The following MGAT4C variants were observed in gnomAD, a reference collection of about 807,000 sequenced individuals.
The protein encoded by MGAT4C is MGAT4 family member C.
Under a neutral mutation model 40.1 loss-of-function variants are expected in MGAT4C, and 19 were observed. The observed-to-expected ratio is 0.47, with a 90% confidence interval of 0.33 to 0.70. The LOEUF (loss-of-function observed/expected upper bound fraction) is 0.70, where lower values mean the gene tolerates loss of function less well. Ranked by LOEUF, MGAT4C falls within the 30% of genes least tolerant of loss-of-function variation. The probability of loss-of-function intolerance (pLI) is 0.02; values close to 1 mark genes in which losing one functional copy is unlikely to be tolerated. For synonymous variants in MGAT4C, 181 were observed against 187.1 expected (o/e 0.97, Z 0.27); for missense variants, 491 against 563.2 (o/e 0.87, Z 1.30).
chr12:86,157,385 T>A lies in MGAT4C; in HGVS notation c.-57+98854A>T, dbSNP rs374937998. On this transcript the variant is annotated intron_variant, in intron 1 of 4. Coordinates refer to ENST00000611864, the MANE Select transcript of MGAT4C (RefSeq NM_001351288.2). The stretch of plus-strand genomic sequence containing the variant: ...GTATTACTTCTTTAAGTGAAATAAT[T>A]CAAAATGAGATTAAAGGCAATGCTT... 3.9e-5 allele frequency among the ~76,000 whole-genome samples: 6 copies of A among 152,150 alleles called. No homozygotes were observed. In the East Asian group the frequency reaches 9.6e-4, roughly 24 times the overall value.
intron 1 of MGAT4C, among the ~76,000 whole-genome samples, chr12:86,254,027 T>C (rs1003539207): frequency 3.3e-5 from 5 of 151,968 alleles, no homozygotes; most frequent in Non-Finnish European, 5.9e-5. Flanking sequence ...GCTATTTTTT[T>C]CCATCTCTTC....
chr12:86,748,646 T>C (rs1254930998), intron 1 of MGAT4C, among the ~76,000 whole-genome samples: 1 of 151,520 alleles, frequency 6.6e-6, no homozygotes, highest in Non-Finnish European at 1.5e-5. Context: ...GTGTGTAATA[T>C]CATGTAAAGC....
chr12:86,588,465 C>T (rs1270353149), intron 2 of MGAT4C, among the ~76,000 whole-genome samples: 2 of 151,978 alleles, frequency 1.3e-5, no homozygotes, highest in East Asian at 3.9e-4. Context: ...GAGACTTTAA[C>T]ACCCCACTGT....
chr12:86,542,595 A>G (rs991454393), intron 2 of MGAT4C, among the ~76,000 whole-genome samples: 2 of 152,062 alleles, frequency 1.3e-5, no homozygotes, highest in South Asian at 4.1e-4. Flanking sequence ...TAGTACCTTG[A>G]GAGTAGTGGC....
chr12:86,370,740 A>G (rs1326716316), intron 3 of MGAT4C, among the ~76,000 whole-genome samples: 2 of 151,976 alleles, frequency 1.3e-5, no homozygotes, highest in Admixed American at 6.6e-5. Flanking sequence ...TTCTTCCCCT[A>G]TTTAATCCCC....
chr12:86,040,605 G>A (rs1891715729), intron 2 of MGAT4C, among the ~76,000 whole-genome samples: 1 of 152,198 alleles, frequency 6.6e-6, no homozygotes, highest in African/African-American at 2.4e-5. Flanking sequence ...GAGTGTCCCA[G>A]GTAGAGTTCA....
chr12:86,523,502 T>C (rs984172884), intron 2 of MGAT4C, among the ~76,000 whole-genome samples: 3 of 152,152 alleles, frequency 2.0e-5, no homozygotes, highest in Non-Finnish European at 4.4e-5. Context: ...AGGTTTTACT[T>C]CCAACCACGT....
chr12:86,251,177 G>C (rs1269389652), intron 1 of MGAT4C, among the ~76,000 whole-genome samples: 1 of 149,970 alleles, frequency 6.7e-6, no homozygotes, highest in African/African-American at 2.5e-5. Flanking sequence ...ACTGAAAAGG[G>C]TGGAACAACA....
chr12:86,200,244 G>A, intron 1 of MGAT4C, among the ~76,000 whole-genome samples: 1 of 138,038 alleles, frequency 7.2e-6, no homozygotes, highest in East Asian at 2.3e-4. Context: ...TTATTGCATT[G>A]CATTTTATGA....
At chr12:86,435,027 T>C (rs1944643250) in intron 3 of MGAT4C, 1 of 151,858 alleles carries the variant, frequency 6.6e-6, no homozygotes, top group Non-Finnish European at 1.5e-5. Context: ...GTGAAAAAAA[T>C]ATTTCAAAGA....
At chr12:86,738,613 C>T (rs1228159690) in intron 1 of MGAT4C, among the ~76,000 whole-genome samples, 1 of 151,280 alleles carries the variant, frequency 6.6e-6, no homozygotes, top group Non-Finnish European at 1.5e-5. Context: ...TCATCCAACT[C>T]ATACGAGGAG....
At chr12:86,011,549 C>T (rs1888461058) in intron 2 of MGAT4C, among the ~76,000 whole-genome samples, 1 of 152,120 alleles carries the variant, frequency 6.6e-6, no homozygotes, top group South Asian at 2.1e-4. Flanking sequence ...AACCACATTA[C>T]ATGAGAGAGA....
At chr12:86,804,441 T>G (rs150578267) in intron 1 of MGAT4C, among the ~76,000 whole-genome samples, 2,097 of 148,926 alleles carry the variant, frequency 0.014, 43 homozygotes, top group African/African-American at 0.049. Flanking sequence ...ATAAAATAAA[T>G]AAATAAAGAA....
intron 1 of MGAT4C, among the ~76,000 whole-genome samples, chr12:86,190,440 C>A (rs959436964): frequency 9.2e-5 from 14 of 152,026 alleles, no homozygotes; most frequent in African/African-American, 3.4e-4. Flanking sequence ...CATTAATGAA[C>A]AAATTTTCAC....
At chr12:86,780,552 C>T (rs967891253) in intron 1 of MGAT4C, among the ~76,000 whole-genome samples, 3 of 152,150 alleles carry the variant, frequency 2.0e-5, no homozygotes, top group Admixed American at 1.3e-4. Flanking sequence ...TCTCCTGCTC[C>T]ACCATCGTAA....
At chr12:86,228,775 T>C (rs1951200887) in intron 1 of MGAT4C, among the ~76,000 whole-genome samples, 1 of 151,966 alleles carries the variant, frequency 6.6e-6, no homozygotes, top group Non-Finnish European at 1.5e-5. Context: ...TAGATGTATG[T>C]CATTACAGTA....
intron 2 of MGAT4C, among the ~76,000 whole-genome samples, chr12:86,446,328 C>A (rs764372587): frequency 1.3e-5 from 2 of 151,866 alleles, no homozygotes; most frequent in Non-Finnish European, 2.9e-5. Flanking sequence ...AGGAAAGCTG[C>A]TCCAATTGGC....
chr12:86,230,441 C>T lies in MGAT4C; in HGVS notation c.-57+25798G>A, dbSNP rs554911783. On this transcript the variant is annotated intron_variant, in intron 1 of 4. Transcript: ENST00000611864. ...TTAAAGGAAGTCAAATAGGTTTTGA[C>T]CTTTTCAATTACATCCATCCTTTAA... Among the ~76,000 whole-genome samples, 453 of 152,244 alleles carry T rather than the reference C, an allele frequency of 3.0e-3. 2 individuals are homozygous for T. The highest frequency in any genetic ancestry group is 0.01 in the African/African-American group (432 of 41,568).
Position 85,957,667 on chromosome 12 carries a change from A to AAG in MGAT4C, c.*21621_*21622insCT, listed in dbSNP as rs1555196393. The AAG allele has an allele frequency of 2.8e-5, 4 of 140,420 alleles. No homozygotes were observed. The highest frequency in any genetic ancestry group is 7.0e-5 in the Admixed American group (1 of 14,248). The allele number at this position is 140,420 out of a possible 1,614,324, so 8.7% of individuals were successfully genotyped here. ...AGTTGAATAAGAAAGCAAAAAAAAA[A>AAG]AAAAAAGAAAAAAGAAAAAAAAAAT... On this transcript the variant is annotated 3_prime_UTR_variant, in exon 5 of 5. Transcript: ENST00000611864.
Sources: gnomAD v4.1 joint callset for allele counts (sites outside exome capture counted in the v4.1 genomes callset) on GRCh38, gnomAD v4.1.1 for gene constraint, MANE v1.5 for transcripts, NCBI Gene and HGNC (gene_info 2026-07-23, HGNC 2026-07-21) for gene names.